NELL2: variants seen among roughly 807,000 people sequenced by gnomAD.
NELL2 encodes the protein protein kinase C-binding protein NELL2.
NELL2 carries 41 observed loss-of-function variants against 109.6 expected under a neutral mutation model. That is an observed-to-expected ratio of 0.37 (90% CI 0.29 to 0.49). NELL2 has a LOEUF of 0.49. Ranked by LOEUF, NELL2 falls within the 20% of genes least tolerant of loss-of-function variation. NELL2 has a pLI of 0.98. For missense variants in NELL2, 900 were observed against 1,008.3 expected, an observed-to-expected ratio of 0.89 and a Z score of 1.45; for synonymous variants, 355 against 344.7, an observed-to-expected ratio of 1.03 and a Z score of -0.33.
chr12:44,713,815 C>T (rs766503164), intron 10 of NELL2, among the ~76,000 whole-genome samples: 9 of 151,866 alleles, frequency 5.9e-5, no homozygotes, highest in Non-Finnish European at 1.2e-4. Context: ...TCACTCTTAG[C>T]AATCATAGTT....
At chr12:44,710,437 A>G (rs184606798) in intron 11 of NELL2, among the ~76,000 whole-genome samples, 5 of 152,168 alleles carry the variant, frequency 3.3e-5, no homozygotes, top group Non-Finnish European at 5.9e-5. Context: ...GAACATAAAG[A>G]CTCAGCCCTG....
At chr12:44,752,744 C>T (rs1244243351) in intron 9 of NELL2, among the ~76,000 whole-genome samples, 1 of 152,070 alleles carries the variant, frequency 6.6e-6, no homozygotes, top group African/African-American at 2.4e-5. Flanking sequence ...TCATCTTTTC[C>T]TCTCTACCCA....
chr12:44,854,757 T>A (rs1439357001), intron 2 of NELL2, among the ~76,000 whole-genome samples: 1 of 151,596 alleles, frequency 6.6e-6, no homozygotes, highest in African/African-American at 2.4e-5. Context: ...GATGGGTGGA[T>A]GGATGACTGG....
At chr12:44,802,346 A>G (rs1942859936) in intron 3 of NELL2, among the ~76,000 whole-genome samples, 1 of 152,168 alleles carries the variant, frequency 6.6e-6, no homozygotes, top group African/African-American at 2.4e-5. Flanking sequence ...TTGCTTATCA[A>G]TAACTTAATG....
intron 2 of NELL2, among the ~76,000 whole-genome samples, chr12:44,860,316 T>C (rs1326717784): frequency 6.6e-6 from 1 of 152,230 alleles, no homozygotes; most frequent in African/African-American, 2.4e-5. Flanking sequence ...AATTTGGTTA[T>C]AAAATAAATA....
rs1012699540 is a variant in NELL2 at position 44,508,291 on chromosome 12, G to T, written c.*643C>A. On this transcript the variant is annotated 3_prime_UTR_variant, in exon 20 of 20. Transcript: ENST00000429094. The stretch of plus-strand genomic sequence containing the variant: ...GACTCACATGTGTTATAAGGTAAGA[G>T]AAATATTTATTTAATTTTGCACAAG... 2 of 152,558 alleles carry T rather than the reference G, an allele frequency of 1.3e-5. No homozygotes were observed. Among genetic ancestry groups the T allele is most frequent in the Non-Finnish European group, 2.9e-5 (2 of 68,016 alleles). The allele number at this position is 152,558 out of a possible 1,614,324, so 9.5% of individuals were successfully genotyped here.
At position 44,665,509 on chromosome 12, in the gene NELL2, G is replaced by C. The variant is rs748033147; in HGVS notation, c.1419C>G (p.Ile473Met). ...CTGTACATGAATAATCATCAATTCT[G>C]ATGTATCCAGTTTTGCAGATGCACA... Reference protein sequence around the residue: ...SFMCICKTGYIRIDDYSCTEH... With the variant: ...SFMCICKTGYMRIDDYSCTEH... The change falls in exon 13 of 20, where the codon ATC becomes ATG. Residue 473 changes from isoleucine (I) to methionine (M), a missense_variant. Ile to Met is a conservative substitution (Grantham distance 10). Coordinates refer to ENST00000429094, the MANE Select transcript of NELL2 (RefSeq NM_001145108.2). 1 of 1,613,226 alleles carries C rather than the reference G, an allele frequency of 6.2e-7. No individual in the cohort carries two copies. The highest frequency in any genetic ancestry group is 1.1e-5 in the South Asian group (1 of 91,028).
intron 15 of NELL2, among the ~76,000 whole-genome samples, chr12:44,564,133 C>G (rs937876727): frequency 6.6e-6 from 1 of 152,152 alleles, no homozygotes. Flanking sequence ...AAGGATATGA[C>G]AGTTGACTTA....
intron 9 of NELL2, among the ~76,000 whole-genome samples, chr12:44,744,997 C>T (rs1349946777): frequency 6.6e-6 from 1 of 152,056 alleles, no homozygotes; most frequent in Non-Finnish European, 1.5e-5. Flanking sequence ...AGAGACACAA[C>T]CAAAAAAGAG....
chr12:44,657,084 G>C (rs1295255320), intron 13 of NELL2, among the ~76,000 whole-genome samples: 1 of 152,164 alleles, frequency 6.6e-6, no homozygotes, highest in Non-Finnish European at 1.5e-5. Flanking sequence ...TGCTTTAGTT[G>C]CTCAGCAGCA....
intron 13 of NELL2, among the ~76,000 whole-genome samples, chr12:44,613,177 T>C (rs1945690083): frequency 6.6e-6 from 1 of 152,088 alleles, no homozygotes; most frequent in African/African-American, 2.4e-5. Flanking sequence ...CTCCCCCTCC[T>C]ACAGAGTTAG....
At chr12:44,755,157 A>G (rs1423446005) in intron 9 of NELL2, among the ~76,000 whole-genome samples, 3 of 152,094 alleles carry the variant, frequency 2.0e-5, no homozygotes, top group African/African-American at 7.2e-5. Context: ...CTCTCCCTGA[A>G]TCCTGTTATT....
intron 2 of NELL2, among the ~76,000 whole-genome samples, chr12:44,858,475 A>G (rs1168769007): frequency 6.6e-6 from 1 of 152,210 alleles, no homozygotes; most frequent in African/African-American, 2.4e-5. Context: ...AGTTCAGGGA[A>G]TATGTGCCCA....
chr12:44,688,217 T>G (rs1390525476), intron 12 of NELL2, among the ~76,000 whole-genome samples: 1 of 152,218 alleles, frequency 6.6e-6, no homozygotes, highest in East Asian at 1.9e-4. Context: ...GTTCTGGAAA[T>G]AACCCATGGT....
At chr12:44,591,560 T>C (rs904693717) in intron 15 of NELL2, among the ~76,000 whole-genome samples, 2 of 152,130 alleles carry the variant, frequency 1.3e-5, no homozygotes, top group African/African-American at 4.8e-5. Flanking sequence ...ACATGGAACC[T>C]AAAAAAGTTT....
At chr12:44,708,610 C>T (rs1381300594) in intron 11 of NELL2, among the ~76,000 whole-genome samples, 1 of 152,110 alleles carries the variant, frequency 6.6e-6, no homozygotes, top group African/African-American at 2.4e-5. Flanking sequence ...TTAGAAAATG[C>T]CAGGAGAACA....
chr12:44,693,202 C>A, intron 12 of NELL2, among the ~76,000 whole-genome samples: 1 of 152,156 alleles, frequency 6.6e-6, no homozygotes, highest in Admixed American at 6.6e-5. Context: ...AGGCAAGACC[C>A]TCCATCAGCA....
At chr12:44,724,817 GAAA>G (rs1555205665) in intron 9 of NELL2, among the ~76,000 whole-genome samples, 18 of 116,918 alleles carry the variant, frequency 1.5e-4, no homozygotes, top group African/African-American at 5.3e-4. Flanking sequence ...ATCCTAAGGG[GAAA>G]AAAAAAAAAA....
chr12:44,672,510 G>A (rs886417560), intron 12 of NELL2, among the ~76,000 whole-genome samples: 10 of 152,268 alleles, frequency 6.6e-5, no homozygotes, highest in Middle Eastern at 3.4e-3. Flanking sequence ...AGTCCCTGGA[G>A]GCAAAAAGAC....
Sources: gnomAD v4.1 joint callset for allele counts (sites outside exome capture counted in the v4.1 genomes callset) on GRCh38, gnomAD v4.1.1 for gene constraint, MANE v1.5 for transcripts, NCBI Gene and HGNC (gene_info 2026-07-23, HGNC 2026-07-21) for gene names.